SLC25A21: variants seen among roughly 807,000 people sequenced by gnomAD.
The protein encoded by SLC25A21 is solute carrier family 25 member 21.
A neutral mutation model predicts 43.8 loss-of-function variants in SLC25A21; 47 were observed. The ratio of observed to expected loss-of-function variants is 1.07; its 90% confidence interval spans 0.85 to 1.37. The LOEUF (loss-of-function observed/expected upper bound fraction) is 1.37. Among genes scored for constraint, SLC25A21 ranks in the 40% most tolerant of loss-of-function variants. The probability of loss-of-function intolerance (pLI) is 0.00; values close to 1 mark genes in which losing one functional copy is unlikely to be tolerated. For synonymous variants in SLC25A21, 131 were observed against 121.3 expected (o/e 1.08, Z -0.52); for missense variants, 352 against 350.2 (o/e 1.00, Z -0.04).
chr14:37,129,173 A>G (rs1266156257), intron 1 of SLC25A21, among the ~76,000 whole-genome samples: 1 of 152,154 alleles, frequency 6.6e-6, no homozygotes, highest in Non-Finnish European at 1.5e-5. Flanking sequence ...ACTTCCGTTT[A>G]AAGAAACTCC....
intron 1 of SLC25A21, among the ~76,000 whole-genome samples, chr14:36,937,350 C>T (rs915324225): frequency 6.6e-6 from 1 of 152,194 alleles, no homozygotes; most frequent in African/African-American, 2.4e-5. Context: ...TTAGGAATGC[C>T]TTCACAAACA....
chr14:36,911,622 T>C (rs572573922), intron 1 of SLC25A21, among the ~76,000 whole-genome samples: 42 of 152,268 alleles, frequency 2.8e-4, no homozygotes, highest in Middle Eastern at 3.4e-3. Flanking sequence ...AGAGGCCTCA[T>C]TGGGGAGAAC....
At chr14:37,112,280 C>A (rs1455165406) in intron 1 of SLC25A21, among the ~76,000 whole-genome samples, 1 of 152,110 alleles carries the variant, frequency 6.6e-6, no homozygotes, top group East Asian at 1.9e-4. Context: ...GGACACGGAC[C>A]ACTGGAGAAC....
chr14:36,925,581 TCACA>T (rs1446679843), intron 1 of SLC25A21, among the ~76,000 whole-genome samples: 3 of 152,188 alleles, frequency 2.0e-5, no homozygotes, highest in Non-Finnish European at 4.4e-5. Flanking sequence ...CCACGGTGGC[TCACA>T]CCTGTAATCC....
chr14:36,865,526 G>A (rs967431368), intron 2 of SLC25A21, among the ~76,000 whole-genome samples: 4 of 151,874 alleles, frequency 2.6e-5, no homozygotes, highest in African/African-American at 7.3e-5. Context: ...TTCCACTCAC[G>A]GTGAACAAAG....
At chr14:36,999,833 C>T (rs557501883) in intron 1 of SLC25A21, among the ~76,000 whole-genome samples, 1 of 152,126 alleles carries the variant, frequency 6.6e-6, no homozygotes, top group East Asian at 1.9e-4. Context: ...GGGAGTGAGC[C>T]ATTATTTACA....
chr14:37,028,594 C>T (rs144095515), intron 1 of SLC25A21, among the ~76,000 whole-genome samples: 92 of 152,234 alleles, frequency 6.0e-4, no homozygotes, highest in African/African-American at 2.1e-3. Context: ...GTTTTGGTCA[C>T]CTTTTCTGGC....
At chr14:36,806,285 T>A (rs1888039243) in intron 3 of SLC25A21, among the ~76,000 whole-genome samples, 1 of 152,002 alleles carries the variant, frequency 6.6e-6, no homozygotes, top group Non-Finnish European at 1.5e-5. Flanking sequence ...TACAGCTAAG[T>A]GGGATGAAAA....
chr14:37,095,773 A>T (rs77040369), intron 1 of SLC25A21, among the ~76,000 whole-genome samples: 5,643 of 147,200 alleles, frequency 0.038, 371 homozygotes, highest in African/African-American at 0.13. Context: ...TCTTTAAAAA[A>T]ATGTATATAT....
intron 1 of SLC25A21, among the ~76,000 whole-genome samples, chr14:36,966,944 T>C (rs1017471613): frequency 8.5e-5 from 13 of 152,202 alleles, no homozygotes; most frequent in African/African-American, 3.1e-4. Context: ...CTTTTATTTC[T>C]CTATAAAGAA....
chr14:36,887,560 T>C (rs1154127), intron 1 of SLC25A21, among the ~76,000 whole-genome samples: 145,941 of 147,628 alleles, frequency 0.99, 72,154 homozygotes, highest in South Asian at 1. Context: ...AAGACTCCAT[T>C]GCAAAAAAAA....
chr14:36,811,186 T>C (rs1039935024), intron 3 of SLC25A21, among the ~76,000 whole-genome samples: 1 of 152,160 alleles, frequency 6.6e-6, no homozygotes, highest in Non-Finnish European at 1.5e-5. Flanking sequence ...TTGAACTCCA[T>C]ACCATGAGGT....
chr14:37,149,841 T>C (rs1963728942), intron 1 of SLC25A21, among the ~76,000 whole-genome samples: 1 of 152,208 alleles, frequency 6.6e-6, no homozygotes, highest in African/African-American at 2.4e-5. Context: ...GAAAAAATAA[T>C]TTAATTTAGT....
chr14:36,966,374 T>C (rs1249711944), intron 1 of SLC25A21, among the ~76,000 whole-genome samples: 1 of 152,130 alleles, frequency 6.6e-6, no homozygotes, highest in Admixed American at 6.5e-5. Context: ...TGAAGGCAAA[T>C]TAGAGGAAAT....
intron 7 of SLC25A21, among the ~76,000 whole-genome samples, chr14:36,704,237 C>CAGGT (rs1883400593): frequency 6.6e-6 from 1 of 152,172 alleles, no homozygotes; most frequent in African/African-American, 2.4e-5. Flanking sequence ...AAGGGAGGAT[C>CAGGT]AGGTTATGGG....
intron 1 of SLC25A21, among the ~76,000 whole-genome samples, chr14:36,981,729 G>C (rs138743845): frequency 1.2e-3 from 181 of 152,184 alleles, no homozygotes; most frequent in African/African-American, 4.0e-3. Context: ...AGGAGATATA[G>C]CTAATGTAAA....
intron 1 of SLC25A21, among the ~76,000 whole-genome samples, chr14:37,004,151 T>C (rs1386943924): frequency 6.6e-6 from 1 of 152,226 alleles, no homozygotes; most frequent in Non-Finnish European, 1.5e-5. Flanking sequence ...TCTGTGGCGT[T>C]AAGACAACAT....
chr14:36,804,771 T>A (rs2138426639), intron 3 of SLC25A21, among the ~76,000 whole-genome samples: 1 of 152,308 alleles, frequency 6.6e-6, no homozygotes, highest in African/African-American at 2.4e-5. Flanking sequence ...CATGCCTAAG[T>A]TTTTTTCTAC....
At chr14:37,091,426 T>A in intron 1 of SLC25A21, among the ~76,000 whole-genome samples, 1 of 146,290 alleles carries the variant, frequency 6.8e-6, no homozygotes, top group African/African-American at 2.5e-5. Flanking sequence ...AGAATGAGAC[T>A]CAGTCTCAAA....
Sources: allele counts gnomAD v4.1 joint callset (sites outside exome capture counted in the v4.1 genomes callset), GRCh38; gene constraint gnomAD v4.1.1; transcripts MANE v1.5; gene names NCBI Gene and HGNC (gene_info 2026-07-23, HGNC 2026-07-21).